ZNRF1: variants seen among roughly 807,000 people sequenced by gnomAD.
ZNRF1 encodes the protein zinc and ring finger 1.
ZNRF1 carries 3 observed loss-of-function variants against 18.4 expected under a neutral mutation model. The observed-to-expected ratio is 0.16, with a 90% CI of 0.07 to 0.42. The LOEUF is 0.42. Ranked by LOEUF, ZNRF1 falls within the 10% of genes least tolerant of loss-of-function variation. The pLI, the probability that ZNRF1 is intolerant of heterozygous loss-of-function variation, is 0.99. For synonymous variants in ZNRF1, 157 were observed against 144.2 expected, an observed-to-expected ratio of 1.09 and a Z score of -0.64; for missense variants, 310 against 329.8, an observed-to-expected ratio of 0.94 and a Z score of 0.47.
intron 1 of ZNRF1, among the ~76,000 whole-genome samples, chr16:75,076,785 A>T (rs1430405523): frequency 6.6e-6 from 1 of 151,498 alleles, no homozygotes; most frequent in African/African-American, 2.4e-5. Context: ...AGTTTAGAAG[A>T]GGTCGTGAGT....
chr16:75,030,833 C>CTTTTTTTTTTTTTTTTTTT (rs59468839), intron 1 of ZNRF1, among the ~76,000 whole-genome samples: 4 of 91,382 alleles, frequency 4.4e-5, no homozygotes, highest in Non-Finnish European at 2.2e-5. Flanking sequence ...CACTTTATTC[C>CTTTTTTTTTTTTTTTTTTT]TTTTTTTTTT....
chr16:75,053,218 A>G (rs1023731334), intron 1 of ZNRF1, among the ~76,000 whole-genome samples: 5 of 152,162 alleles, frequency 3.3e-5, no homozygotes, highest in African/African-American at 1.2e-4. Flanking sequence ...AATTATCTAA[A>G]TATACATATA....
chr16:75,086,031 C>T (rs1371265113), intron 1 of ZNRF1, among the ~76,000 whole-genome samples: 2 of 151,864 alleles, frequency 1.3e-5, no homozygotes, highest in African/African-American at 4.8e-5. Flanking sequence ...GACCAGTGTC[C>T]CAGCTCAAGC....
chr16:75,056,428 TTATG>T (rs1163010392), intron 1 of ZNRF1, among the ~76,000 whole-genome samples: 19 of 152,154 alleles, frequency 1.2e-4, no homozygotes, highest in Non-Finnish European at 2.4e-4. Context: ...AGGTATAAGA[TTATG>T]TATGATGTTG....
chr16:75,000,135 G>C (rs895427010), intron 1 of ZNRF1, 40 bp downstream of exon 1: 48 of 1,572,360 alleles, frequency 3.1e-5, no homozygotes, highest in African/African-American at 5.4e-5. Flanking sequence ...GGGAGGGCGC[G>C]CCGGGGCGCC....
intron 1 of ZNRF1, among the ~76,000 whole-genome samples, chr16:75,080,058 G>A (rs1329343012): frequency 6.6e-6 from 1 of 152,224 alleles, no homozygotes; most frequent in Admixed American, 6.5e-5. Flanking sequence ...TGGGATTATA[G>A]GCACCCGCCA....
At chr16:75,013,047 T>G (rs771437627) in intron 1 of ZNRF1, among the ~76,000 whole-genome samples, 2 of 152,198 alleles carry the variant, frequency 1.3e-5, no homozygotes, top group Admixed American at 6.5e-5. Context: ...GGATTAGAGA[T>G]ACATCCTTCA....
At chr16:75,013,602 C>T (rs1015093551) in intron 1 of ZNRF1, among the ~76,000 whole-genome samples, 1 of 152,174 alleles carries the variant, frequency 6.6e-6, no homozygotes, top group Non-Finnish European at 1.5e-5. Flanking sequence ...GCCTTGGCCT[C>T]CCAGAGTGCT....
At chr16:75,046,017 C>G (rs1004651127) in intron 1 of ZNRF1, among the ~76,000 whole-genome samples, 1 of 152,004 alleles carries the variant, frequency 6.6e-6, no homozygotes, top group African/African-American at 2.4e-5. Context: ...ATTCTCCTGC[C>G]TCAGCCTCCC....
chr16:75,083,357 G>A (rs1234265463), intron 1 of ZNRF1, among the ~76,000 whole-genome samples: 1 of 152,216 alleles, frequency 6.6e-6, no homozygotes, highest in Non-Finnish European at 1.5e-5. Context: ...TTGGTACAAG[G>A]CCATCTGGCT....
chr16:75,043,646 A>G (rs1274342131), intron 1 of ZNRF1, among the ~76,000 whole-genome samples: 2 of 152,146 alleles, frequency 1.3e-5, no homozygotes, highest in South Asian at 2.1e-4. Flanking sequence ...ACAATCTGAT[A>G]AACTCTGATA....
intron 1 of ZNRF1, among the ~76,000 whole-genome samples, chr16:75,082,579 G>A (rs1386811496): frequency 6.6e-6 from 1 of 152,128 alleles, no homozygotes; most frequent in African/African-American, 2.4e-5. Context: ...TTTGAGACGG[G>A]GTCTTGCTCT....
Position 75,000,088 on chromosome 16 carries a change from G to T in ZNRF1, c.417G>T (p.Ser139=), listed in dbSNP as rs2034821705. The T allele has an allele frequency of 6.2e-7, 1 of 1,600,012 alleles. No individual in the cohort carries two copies. Among genetic ancestry groups the T allele is most frequent in the Non-Finnish European group, 8.5e-7 (1 of 1,174,594 alleles). ...PLHIAPRWFS[S]HSGFKCPICS... Reference sequence around the variant, plus strand: ...ACATCGCACCCAGGTGGTTCAGCTCGCATAGTGGTGAGTCCGCGGGTGGTG... The same window carrying T: ...ACATCGCACCCAGGTGGTTCAGCTCTCATAGTGGTGAGTCCGCGGGTGGTG... The change falls in exon 1 of 5, where the codon TCG becomes TCT. Residue 139 remains serine, a synonymous_variant. Transcript: ENST00000335325.
At chr16:75,076,002 G>A (rs2035936186) in intron 1 of ZNRF1, among the ~76,000 whole-genome samples, 1 of 152,160 alleles carries the variant, frequency 6.6e-6, no homozygotes, top group South Asian at 2.1e-4. Flanking sequence ...ACTCAGGAGA[G>A]AGGAAAAATA....
chr16:75,084,148 G>A (rs2145413807), intron 1 of ZNRF1, among the ~76,000 whole-genome samples: 1 of 152,314 alleles, frequency 6.6e-6, no homozygotes, highest in East Asian at 1.9e-4. Flanking sequence ...GTCCGCTTGG[G>A]TGTGTGCACG....
At chr16:75,015,686 T>G (rs2145329210) in intron 1 of ZNRF1, among the ~76,000 whole-genome samples, 1 of 152,288 alleles carries the variant, frequency 6.6e-6, no homozygotes, top group Non-Finnish European at 1.5e-5. Flanking sequence ...TGGAGTCAGA[T>G]AGTCCTCCCA....
In ZNRF1 at chr16:75,108,224, G is replaced by GT. The variant is rs951661009; in HGVS notation, c.*530dup. On this transcript the variant is annotated 3_prime_UTR_variant, in exon 5 of 5. Transcript: ENST00000335325. ...AACTTCTCTACTTTGGGTTTGTTTG[G>GT]TTTTTTCCCTCTATTTTTCTGGCTG... 3.7e-5 allele frequency: 7 copies of GT among 188,410 alleles called. No homozygotes were observed. The highest frequency in any genetic ancestry group is 1.6e-4 in the South Asian group (1 of 6,112). The allele number at this position is 188,410 out of a possible 1,614,324, so 11.7% of individuals were successfully genotyped here.
At chr16:75,049,720 C>T (rs766717814) in intron 1 of ZNRF1, among the ~76,000 whole-genome samples, 9 of 152,168 alleles carry the variant, frequency 5.9e-5, no homozygotes, top group East Asian at 1.9e-4. Context: ...TACCTTCGCC[C>T]GGTTTTCTTC....
chr16:75,067,810 G>GA (rs1555512868), intron 1 of ZNRF1, among the ~76,000 whole-genome samples: 1 of 152,136 alleles, frequency 6.6e-6, no homozygotes, highest in Non-Finnish European at 1.5e-5. Context: ...GTAGACTCTA[G>GA]AAGGGCTAAA....
Sources: allele counts gnomAD v4.1 joint callset (sites outside exome capture counted in the v4.1 genomes callset), GRCh38; gene constraint gnomAD v4.1.1; transcripts MANE v1.5; gene names NCBI Gene and HGNC (gene_info 2026-07-23, HGNC 2026-07-21).